Variants in GRM7 observed in about 807,000 individuals in gnomAD.
GRM7 encodes metabotropic glutamate receptor 7.
A neutral mutation model predicts 84.5 loss-of-function variants in GRM7; 35 were observed. The ratio of observed to expected loss-of-function variants is 0.41; its 90% CI spans 0.32 to 0.55. GRM7 has a LOEUF of 0.55. Among genes scored for constraint, GRM7 ranks in the 20% least tolerant of loss-of-function variants. GRM7 has a pLI of 0.19. For missense variants in GRM7, 1,003 were observed against 1,194.6 expected (o/e 0.84, Z 2.36); for synonymous variants, 487 against 455.1 (o/e 1.07, Z -0.89).
chr3:6,954,115 A>G (rs2125072941), intron 1 of GRM7, among the ~76,000 whole-genome samples: 1 of 152,320 alleles, frequency 6.6e-6, no homozygotes, highest in South Asian at 2.1e-4. Context: ...CCCCACAAAT[A>G]CTTACAAACA....
At chr3:7,013,182 G>T (rs1575129459) in intron 1 of GRM7, among the ~76,000 whole-genome samples, 1 of 150,268 alleles carries the variant, frequency 6.7e-6, no homozygotes, top group Admixed American at 6.7e-5. Flanking sequence ...TTAAATAAAT[G>T]TCCTTATAAA....
chr3:7,269,035 G>C (rs771974936), intron 2 of GRM7, among the ~76,000 whole-genome samples: 4 of 151,734 alleles, frequency 2.6e-5, no homozygotes, highest in Non-Finnish European at 5.9e-5. Flanking sequence ...TCCCTTTGCT[G>C]TCCGTGATCT....
intron 4 of GRM7, among the ~76,000 whole-genome samples, chr3:7,363,082 C>G (rs1400554237): frequency 6.6e-6 from 1 of 151,904 alleles, no homozygotes. Context: ...TATGATCACA[C>G]CACTGCACTT....
intron 7 of GRM7, among the ~76,000 whole-genome samples, chr3:7,467,678 T>C (rs1024366941): frequency 6.6e-6 from 1 of 152,200 alleles, no homozygotes; most frequent in Non-Finnish European, 1.5e-5. Flanking sequence ...TCATATTGTT[T>C]GTGCCCTAGG....
chr3:7,583,393 T>C (rs1695357541), intron 8 of GRM7, among the ~76,000 whole-genome samples: 1 of 152,206 alleles, frequency 6.6e-6, no homozygotes, highest in Admixed American at 6.5e-5. Context: ...TAGATAAATG[T>C]TTCTCCATCC....
chr3:6,917,834 C>A (rs914956167), intron 1 of GRM7, among the ~76,000 whole-genome samples: 5 of 152,038 alleles, frequency 3.3e-5, no homozygotes, highest in Admixed American at 2.6e-4. Context: ...ATTTTCATAA[C>A]TCCTTAAGGG....
chr3:7,577,752 A>T (rs1695034651), intron 7 of GRM7, among the ~76,000 whole-genome samples: 1 of 152,190 alleles, frequency 6.6e-6, no homozygotes, highest in African/African-American at 2.4e-5. Flanking sequence ...TCCTGAATTC[A>T]TAGGAAATAG....
chr3:7,387,493 A>G (rs1694829412), intron 4 of GRM7, among the ~76,000 whole-genome samples: 5 of 152,030 alleles, frequency 3.3e-5, no homozygotes. Context: ...ATCAAGTTTC[A>G]TTCTGCTACA....
intron 1 of GRM7, among the ~76,000 whole-genome samples, chr3:6,921,295 T>C (rs2125031528): frequency 6.6e-6 from 1 of 152,278 alleles, no homozygotes; most frequent in Non-Finnish European, 1.5e-5. Context: ...CAGCTAATGA[T>C]TCAGAAAGCA....
intron 2 of GRM7, among the ~76,000 whole-genome samples, chr3:7,257,836 C>G (rs974309619): frequency 1.3e-5 from 2 of 152,126 alleles, no homozygotes; most frequent in Non-Finnish European, 2.9e-5. Context: ...TATTCCTACA[C>G]TGAGTAATTA....
At chr3:7,589,333 G>A (rs559212269) in intron 8 of GRM7, among the ~76,000 whole-genome samples, 3 of 152,306 alleles carry the variant, frequency 2.0e-5, no homozygotes, top group South Asian at 4.1e-4. Flanking sequence ...ATAAACTGAG[G>A]TTCAACTTAA....
chr3:7,676,233 A>G (rs75700555), intron 8 of GRM7, among the ~76,000 whole-genome samples: 1 of 152,126 alleles, frequency 6.6e-6, no homozygotes, highest in Non-Finnish European at 1.5e-5. Flanking sequence ...GTGAAAACTC[A>G]TAACTTCAGT....
intron 1 of GRM7, among the ~76,000 whole-genome samples, chr3:7,020,928 A>G (rs1392744436): frequency 6.6e-6 from 1 of 152,170 alleles, no homozygotes; most frequent in Non-Finnish European, 1.5e-5. Flanking sequence ...GGTTTCTGAG[A>G]GCCAAGAGGA....
chr3:7,600,669 C>T (rs1696266585), intron 8 of GRM7, among the ~76,000 whole-genome samples: 1 of 152,040 alleles, frequency 6.6e-6, no homozygotes, highest in African/African-American at 2.4e-5. Context: ...TTAATGTATG[C>T]CTTTAAATTA....
chr3:7,428,075 T>G, intron 5 of GRM7, among the ~76,000 whole-genome samples: 1 of 152,152 alleles, frequency 6.6e-6, no homozygotes, highest in East Asian at 1.9e-4. Context: ...CGGAGTGACC[T>G]ATATGTCTGT....
At chr3:7,521,421 G>T (rs1464084271) in intron 7 of GRM7, among the ~76,000 whole-genome samples, 1 of 152,214 alleles carries the variant, frequency 6.6e-6, no homozygotes, top group African/African-American at 2.4e-5. Flanking sequence ...CCCTGTGAAT[G>T]TGATTAGTGC....
rs1266345695 is a variant in GRM7 at position 7,486,133 on chromosome 3, G to C, written c.1515+24411G>C. Among the ~76,000 whole-genome samples the C allele has an allele frequency of 6.6e-6, 1 of 152,126 alleles. No individual in the cohort carries two copies. The highest frequency in any genetic ancestry group is 1.5e-5 in the Non-Finnish European group (1 of 68,038). ...GATTTTAAATACTGCTTCTTGAACTGACTCTGATCTTAGAATATATTTCAT... is the reference window on the plus strand; with the variant it reads ...GATTTTAAATACTGCTTCTTGAACTCACTCTGATCTTAGAATATATTTCAT... On this transcript the variant is annotated intron_variant, in intron 7 of 9. Transcript: ENST00000357716. This position sits in a 1 kb window ranked among gnomAD's most constrained non-coding sequence, Gnocchi z 5.5.
chr3:7,066,854 A>C (rs1697683489), intron 1 of GRM7, among the ~76,000 whole-genome samples: 1 of 152,160 alleles, frequency 6.6e-6, no homozygotes, highest in African/African-American at 2.4e-5. Flanking sequence ...CCAGGGATGC[A>C]GGGATGATTT....
At chr3:6,904,562 A>G (rs1054880208) in intron 1 of GRM7, among the ~76,000 whole-genome samples, 4 of 152,174 alleles carry the variant, frequency 2.6e-5, no homozygotes, top group Non-Finnish European at 5.9e-5. Context: ...CTCTTTCCCC[A>G]AAGTTGGTAA....
Sources: allele counts gnomAD v4.1 joint callset (sites outside exome capture counted in the v4.1 genomes callset), GRCh38; gene constraint gnomAD v4.1.1; non-coding constraint Gnocchi (gnomAD v3.1); transcripts MANE v1.5; gene names NCBI Gene and HGNC (gene_info 2026-07-23, HGNC 2026-07-21).